ARMH3: variants seen among roughly 807,000 people sequenced by gnomAD.
The protein encoded by ARMH3 is armadillo-like helical domain-containing protein 3.
A neutral mutation model predicts 99.1 loss-of-function variants in ARMH3; 60 were observed. The ratio of observed to expected loss-of-function variants is 0.61; its 90% CI spans 0.49 to 0.75. The LOEUF (loss-of-function observed/expected upper bound fraction) is 0.75. Among genes scored for constraint, ARMH3 ranks in the 30% least tolerant of loss-of-function variants. The pLI, the probability that ARMH3 is intolerant of heterozygous loss-of-function variation, is 0.00. For synonymous variants in ARMH3, 285 were observed against 292.8 expected (o/e 0.97, Z 0.27); for missense variants, 679 against 843.1 (o/e 0.81, Z 2.41).
intron 24 of ARMH3, among the ~76,000 whole-genome samples, chr10:101,866,046 C>A (rs1389564723): frequency 6.6e-6 from 1 of 151,630 alleles, no homozygotes; most frequent in East Asian, 2.0e-4. Flanking sequence ...CATGGCGAAA[C>A]CCCATCTCTA....
chr10:101,930,300 A>C (rs181077584), intron 23 of ARMH3, among the ~76,000 whole-genome samples: 1 of 152,300 alleles, frequency 6.6e-6, no homozygotes, highest in East Asian at 1.9e-4. Context: ...AACTAAGAAC[A>C]GAAAGGACTT....
intron 23 of ARMH3, among the ~76,000 whole-genome samples, chr10:101,892,270 C>T (rs887799392): frequency 6.6e-6 from 1 of 151,438 alleles, no homozygotes; most frequent in African/African-American, 2.4e-5. Flanking sequence ...CATGGTGAGA[C>T]CTTGTCTCTA....
At chr10:101,989,998 C>T (rs1456832099) in intron 19 of ARMH3, among the ~76,000 whole-genome samples, 2 of 152,092 alleles carry the variant, frequency 1.3e-5, no homozygotes, top group African/African-American at 2.4e-5. Context: ...ATTCATGTGT[C>T]GGCTCCCTCT....
At chr10:101,872,118 ACTT>A (rs1345090178) in intron 24 of ARMH3, among the ~76,000 whole-genome samples, 1 of 152,140 alleles carries the variant, frequency 6.6e-6, no homozygotes, top group Non-Finnish European at 1.5e-5. Context: ...ATGAATATCT[ACTT>A]AAGTTAAAAT....
At chr10:101,884,385 A>G (rs552831549) in intron 24 of ARMH3, among the ~76,000 whole-genome samples, 1 of 152,328 alleles carries the variant, frequency 6.6e-6, no homozygotes, top group Non-Finnish European at 1.5e-5. Flanking sequence ...CTTACTAAAA[A>G]GCCACACTGG....
chr10:101,943,029 A>T (rs1844314790), intron 22 of ARMH3, among the ~76,000 whole-genome samples: 1 of 152,210 alleles, frequency 6.6e-6, no homozygotes, highest in Admixed American at 6.5e-5. Context: ...AGGAAAACAA[A>T]GAAGGTGAAC....
intron 24 of ARMH3, among the ~76,000 whole-genome samples, chr10:101,886,115 TA>T (rs200590419): frequency 0.02 from 2,920 of 143,430 alleles, 33 homozygotes; most frequent in Non-Finnish European, 0.025. Context: ...CTACCACATA[TA>T]AAAAAAAAAG....
At chr10:101,947,393 A>G (rs2135755914) in intron 22 of ARMH3, among the ~76,000 whole-genome samples, 1 of 151,744 alleles carries the variant, frequency 6.6e-6, no homozygotes, top group Non-Finnish European at 1.5e-5. Flanking sequence ...CCAGCTACTC[A>G]GGAGGTTGAG....
At chr10:101,882,028 T>A (rs868175116) in intron 24 of ARMH3, among the ~76,000 whole-genome samples, 1 of 152,302 alleles carries the variant, frequency 6.6e-6, no homozygotes, top group Middle Eastern at 3.4e-3. Context: ...AAACCATCTC[T>A]TGCACTATTC....
intron 17 of ARMH3, 146 bp downstream of exon 17, chr10:101,993,392 A>C: frequency 3.9e-6 from 2 of 516,820 alleles, no homozygotes; most frequent in Non-Finnish European, 6.9e-6. Flanking sequence ...AACAACAAGC[A>C]TGGGTCTGTT....
intron 23 of ARMH3, among the ~76,000 whole-genome samples, chr10:101,904,950 C>CAAA (rs34831483): frequency 3.3e-5 from 3 of 91,534 alleles, no homozygotes; most frequent in African/African-American, 4.9e-5. Flanking sequence ...GACTCCATCT[C>CAAA]AAAAAAAAAA....
chr10:102,020,635 G>A (rs1288229486), intron 8 of ARMH3, among the ~76,000 whole-genome samples: 2 of 146,634 alleles, frequency 1.4e-5, no homozygotes, highest in African/African-American at 5.1e-5. Flanking sequence ...GCAGTGACCC[G>A]AGATCACACA....
At chr10:101,866,482 T>TAAAAA (rs58252053) in intron 24 of ARMH3, among the ~76,000 whole-genome samples, 1 of 126,792 alleles carries the variant, frequency 7.9e-6, no homozygotes, top group Non-Finnish European at 1.6e-5. Flanking sequence ...AGGACAAGTG[T>TAAAAA]AAAAAAAAAA....
intron 19 of ARMH3, among the ~76,000 whole-genome samples, chr10:101,989,206 G>A (rs1376691501): frequency 6.6e-6 from 1 of 152,132 alleles, no homozygotes; most frequent in Non-Finnish European, 1.5e-5. Flanking sequence ...AGTGGCAAAG[G>A]AGAAACAAAA....
chr10:101,985,887 G>A (rs576322842), intron 19 of ARMH3, among the ~76,000 whole-genome samples: 2 of 151,810 alleles, frequency 1.3e-5, no homozygotes, highest in Non-Finnish European at 2.9e-5. Flanking sequence ...GTGTGGTGGT[G>A]GGCACCTGTA....
At chr10:101,956,784 T>C (rs895457844) in intron 21 of ARMH3, 61 bp from the exon 22 acceptor site, 2 of 1,566,244 alleles carry the variant, frequency 1.3e-6, no homozygotes, top group African/African-American at 2.7e-5. Flanking sequence ...AAATTATCAG[T>C]GGTATGCTGT....
chr10:102,019,133 C>T (rs2066819755), intron 8 of ARMH3, among the ~76,000 whole-genome samples: 1 of 152,106 alleles, frequency 6.6e-6, no homozygotes, highest in Non-Finnish European at 1.5e-5. Flanking sequence ...ACTGCAACCT[C>T]CACCTCCTGG....
intron 9 of ARMH3, among the ~76,000 whole-genome samples, chr10:102,013,605 C>T (rs187594022): frequency 9.1e-4 from 139 of 152,316 alleles, no homozygotes; most frequent in Non-Finnish European, 1.2e-3. Flanking sequence ...GCTATAAATA[C>T]TATCTGGCTA....
At chr10:101,952,796 C>T (rs866182972) in intron 22 of ARMH3, 1 of 152,176 alleles carries the variant, frequency 6.6e-6, no homozygotes, top group Non-Finnish European at 1.5e-5. Flanking sequence ...TCTTGTAGAA[C>T]TGAAACTCTA....
Sources: gnomAD v4.1 joint callset for allele counts (sites outside exome capture counted in the v4.1 genomes callset) on GRCh38, gnomAD v4.1.1 for gene constraint, MANE v1.5 for transcripts, NCBI Gene and HGNC (gene_info 2026-07-23, HGNC 2026-07-21) for gene names.